Variants in PDE6G observed in about 807,000 individuals in gnomAD.
The protein encoded by PDE6G is rod cGMP 3',5'-cyclic phosphodiesterase subunit gamma.
A neutral mutation model predicts 10.9 loss-of-function variants in PDE6G; 10 were observed. The ratio of observed to expected loss-of-function variants is 0.91; its 90% confidence interval spans 0.56 to 1.55. PDE6G has a LOEUF of 1.55. Among genes scored for constraint, PDE6G ranks in the 40% most tolerant of loss-of-function variants. PDE6G has a pLI of 0.00. For synonymous variants in PDE6G, 41 were observed against 42.8 expected (o/e 0.96, Z 0.16); for missense variants, 102 against 110.1 (o/e 0.93, Z 0.33).
At position 81,651,005 on chromosome 17, in the gene PDE6G, G is replaced by A; in HGVS notation, c.*69C>T. 8.4e-7 allele frequency: 1 copy of A among 1,191,510 alleles called. No homozygotes were observed. The highest frequency in any genetic ancestry group is 1.3e-6 in the Non-Finnish European group (1 of 795,360). 73.8% of individuals were successfully genotyped at this position (1,191,510 alleles called of 1,614,324 possible). A position where few individuals can be genotyped will look rare whatever the true frequency, so the allele number is the denominator to read the frequency against. On this transcript the variant is annotated 3_prime_UTR_variant, in exon 4 of 4. Transcript: ENST00000331056. This position sits in a 1 kb window ranked among gnomAD's most constrained non-coding sequence, Gnocchi z 4.8. ...GGCTAGGGAGGCATCTCCTCAACAG[G>A]AATCCTGAGCAGGGTTTAGAGCACA...
intron 1 of PDE6G, among the ~76,000 whole-genome samples, chr17:81,662,163 A>G (rs1476121330): frequency 1.3e-5 from 2 of 152,184 alleles, no homozygotes; most frequent in African/African-American, 4.8e-5. Flanking sequence ...TAAAAAGTAT[A>G]AAAGCAACAT....
rs1432058763 is a variant in PDE6G, at chr17:81,653,418, TGG to T, written c.-59-56_-59-55del. On this transcript the variant is annotated intron_variant, in intron 1 of 3. Coordinates refer to ENST00000331056, the MANE Select transcript of PDE6G (RefSeq NM_002602.4). This position sits in a 1 kb window ranked among gnomAD's most constrained non-coding sequence, Gnocchi z 5.2. ...TCAGCCCTCCTGCTTCCAACCCTTG[TGG>T]GGGTCTCAACCCACCGGTGGAGGGG... is the stretch of plus-strand genomic sequence containing the variant. 7.7e-7 allele frequency: 1 copy of T among 1,304,320 alleles called. No homozygotes were observed. Among genetic ancestry groups the T allele is most frequent in the African/African-American group, 1.5e-5 (1 of 68,666 alleles). 80.8% of individuals were successfully genotyped at this position (1,304,320 alleles called of 1,614,324 possible). A position where few individuals can be genotyped will look rare whatever the true frequency, so the allele number is the denominator to read the frequency against.
chr17:81,657,917 A>C (rs1490727967), upstream of PDE6G, among the ~76,000 whole-genome samples: 1 of 150,262 alleles, frequency 6.7e-6, no homozygotes, highest in Non-Finnish European at 1.5e-5. Context: ...ATAAATAAAA[A>C]CCCATAACTC....
At chr17:81,652,905 G>A (rs905385153) in intron 2 of PDE6G, among the ~76,000 whole-genome samples, 4 of 100,876 alleles carry the variant, frequency 4.0e-5, no homozygotes, top group East Asian at 8.3e-4. Flanking sequence ...GAGCCACCGC[G>A]CCTGGCCGGC....
At chr17:81,652,519 C>T (rs1040100305) in intron 2 of PDE6G, among the ~76,000 whole-genome samples, 92 of 152,032 alleles carry the variant, frequency 6.1e-4, no homozygotes, top group African/African-American at 2.2e-3. Context: ...CCTCGTGATC[C>T]GCCCGCCTCG....
At chr17:81,655,222 G>A (rs1018608790) in intron 1 of PDE6G, among the ~76,000 whole-genome samples, 1 of 152,158 alleles carries the variant, frequency 6.6e-6, no homozygotes, top group African/African-American at 2.4e-5. Context: ...CCACAAAATG[G>A]GGGGCAGGGT....
Position 81,651,589 on chromosome 17 carries a change from G to A in PDE6G, c.187+56C>T. 3 of 1,553,132 alleles carry A rather than the reference G, an allele frequency of 1.9e-6. No homozygotes were observed. Among genetic ancestry groups the A allele is most frequent in the Non-Finnish European group, 2.7e-6 (3 of 1,124,468 alleles). Reference sequence around the variant, plus strand: ...GGCTGCAATGGGCCCCGGGCGTGCTGGGTGTGCCTGGGGGGACCTGGGCAG... The same window carrying A: ...GGCTGCAATGGGCCCCGGGCGTGCTAGGTGTGCCTGGGGGGACCTGGGCAG... On this transcript the variant is annotated intron_variant, in intron 3 of 3. Coordinates refer to ENST00000331056, the MANE Select transcript of PDE6G (RefSeq NM_002602.4). The surrounding 1 kb of genome is among the most constrained non-coding windows in gnomAD (Gnocchi z 4.8).
chr17:81,651,447 A>G lies in PDE6G; in HGVS notation c.187+198T>C, dbSNP rs1380360135. On this transcript the variant is annotated intron_variant, in intron 3 of 3. Transcript: ENST00000331056. This position sits in a 1 kb window ranked among gnomAD's most constrained non-coding sequence, Gnocchi z 4.8. ...CCCCTCACCTGGTGCAAGTGTCCCA[A>G]ATGGGGACAGCCCCACCCTCTAGAT... Among the ~76,000 whole-genome samples the G allele has an allele frequency of 6.6e-6, 1 of 151,964 alleles. No homozygotes were observed. The highest frequency in any genetic ancestry group is 1.5e-5 in the Non-Finnish European group (1 of 67,940).
chr17:81,660,403 G>A (rs1455650747), upstream of PDE6G, among the ~76,000 whole-genome samples: 2 of 152,128 alleles, frequency 1.3e-5, no homozygotes, highest in South Asian at 2.1e-4. Flanking sequence ...CAGAGACTCT[G>A]TCTCAAAACA....
intron 1 of PDE6G, among the ~76,000 whole-genome samples, chr17:81,654,619 T>C (rs1010483879): frequency 5.9e-5 from 9 of 152,020 alleles, no homozygotes; most frequent in Non-Finnish European, 1.3e-4. Context: ...CCTGACCTTG[T>C]GATCCACCCG....
upstream of PDE6G, among the ~76,000 whole-genome samples, chr17:81,659,151 C>CT (rs779928637): frequency 0.3 from 33,877 of 114,668 alleles, 6,172 homozygotes; most frequent in East Asian, 0.6. Context: ...CAATCCATAT[C>CT]TTTTTTTTTT....
chr17:81,655,436 C>CTGGCG (rs1370223475), intron 1 of PDE6G, among the ~76,000 whole-genome samples: 5 of 152,248 alleles, frequency 3.3e-5, no homozygotes, highest in African/African-American at 7.2e-5. Flanking sequence ...GGTCACCCGC[C>CTGGCG]TGGCGTGGCG....
intron 1 of PDE6G, among the ~76,000 whole-genome samples, chr17:81,655,964 G>A (rs2036441034): frequency 6.6e-6 from 1 of 152,172 alleles, no homozygotes; most frequent in South Asian, 2.1e-4. Context: ...CTCTGTCCCC[G>A]GGACTGGGAC....
chr17:81,652,893 C>CTGGGATTACAGACG (rs11270790), intron 2 of PDE6G, among the ~76,000 whole-genome samples: 69,607 of 147,194 alleles, frequency 0.47, 18,107 homozygotes, highest in East Asian at 0.99. Context: ...TCCCAAAGCG[C>CTGGGATTACAGACG]TGAGCCACCG....
Position 81,653,422 on chromosome 17 carries a change from G to T in PDE6G, c.-59-58C>A. ...CCCTCCTGCTTCCAACCCTTGTGGG[G>T]GTCTCAACCCACCGGTGGAGGGGCT... is the stretch of plus-strand genomic sequence containing the variant. On this transcript the variant is annotated intron_variant, in intron 1 of 3. Transcript: ENST00000331056. This position sits in a 1 kb window ranked among gnomAD's most constrained non-coding sequence, Gnocchi z 5.2. 1 of 1,226,226 alleles carries T rather than the reference G, an allele frequency of 8.2e-7. No homozygotes were observed. The highest frequency in any genetic ancestry group is 1.2e-6 in the Non-Finnish European group (1 of 868,648). 76.0% of individuals were successfully genotyped at this position (1,226,226 alleles called of 1,614,324 possible).
Position 81,650,482 on chromosome 17 carries a change from T to C in PDE6G, c.*592A>G, listed in dbSNP as rs1025793014. ...CAGGCAAGGACACACTAATTTTATT[T>C]TGAAATAGGGACTGCAAGGGCAGGC... On this transcript the variant is annotated 3_prime_UTR_variant, in exon 4 of 4. Transcript: ENST00000331056. 8.9e-6 allele frequency: 4 copies of C among 451,118 alleles called. No homozygotes were observed. The highest frequency in any genetic ancestry group is 8.0e-5 in the African/African-American group (4 of 49,912). The allele number at this position is 451,118 out of a possible 1,614,324, so 27.9% of individuals were successfully genotyped here.
chr17:81,658,803 T>G (rs2036480885), upstream of PDE6G, among the ~76,000 whole-genome samples: 1 of 151,052 alleles, frequency 6.6e-6, no homozygotes, highest in Non-Finnish European at 1.5e-5. Context: ...ATTGCACCAC[T>G]GCACTCCAGC....
chr17:81,661,281 T>C (rs945740253), upstream of PDE6G, among the ~76,000 whole-genome samples: 5 of 151,968 alleles, frequency 3.3e-5, no homozygotes, highest in African/African-American at 1.2e-4. Context: ...AGCTACTTGG[T>C]AGGCTAAGAT....
chr17:81,656,807 G>A, upstream of PDE6G: 1 of 600,254 alleles, frequency 1.7e-6, no homozygotes, highest in Admixed American at 2.6e-5. Context: ...CACAGTGTCT[G>A]CTGTCTTGGG....
Sources: gnomAD v4.1 joint callset for allele counts (sites outside exome capture counted in the v4.1 genomes callset) on GRCh38, gnomAD v4.1.1 for gene constraint, Gnocchi (gnomAD v3.1) non-coding constraint, MANE v1.5 for transcripts, NCBI Gene and HGNC (gene_info 2026-07-23, HGNC 2026-07-21) for gene names.